Variants in CIPC observed in about 807,000 individuals in gnomAD.
CIPC encodes CLOCK-interacting pacemaker.
Under a neutral mutation model 26.7 loss-of-function variants are expected in CIPC, and 12 were observed. That is an observed-to-expected ratio of 0.45 (90% CI 0.29 to 0.73). The LOEUF is 0.73. Ranked by LOEUF, CIPC falls within the 30% of genes least tolerant of loss-of-function variation. The probability of loss-of-function intolerance (pLI) is 0.12; values close to 1 mark genes in which losing one functional copy is unlikely to be tolerated. For missense variants in CIPC, 417 were observed against 486.5 expected, an observed-to-expected ratio of 0.86 and a Z score of 1.34; for synonymous variants, 170 against 189.8, an observed-to-expected ratio of 0.90 and a Z score of 0.86.
intron 3 of CIPC, among the ~76,000 whole-genome samples, chr14:77,112,045 A>G (rs1459855158): frequency 6.6e-6 from 1 of 152,240 alleles, no homozygotes; most frequent in Admixed American, 6.5e-5. Context: ...TGCATGGGAA[A>G]TGAACTGGCC....
In CIPC at chr14:77,105,862, C is replaced by A; in HGVS notation, c.136+18C>A. Reference sequence around the variant, plus strand: ...CTTTTCAGGTTAAAAATATCTTATCCTTCCTCTGTTTTGTGAGTGAATGCT... The same window carrying A: ...CTTTTCAGGTTAAAAATATCTTATCATTCCTCTGTTTTGTGAGTGAATGCT... On this transcript the variant is annotated intron_variant, in intron 2 of 3. Transcript: ENST00000361786. 1 of 1,612,210 alleles carries A rather than the reference C, an allele frequency of 6.2e-7. No individual in the cohort carries two copies. Among genetic ancestry groups the A allele is most frequent in the Non-Finnish European group, 8.5e-7 (1 of 1,179,280 alleles).
Position 77,113,675 on chromosome 14 carries a change from A to G in CIPC, c.557A>G (p.Lys186Arg), listed in dbSNP as rs754577921. ...PEEKGTSGVQKKICTERLGPS... is the reference protein window; with the variant it reads ...PEEKGTSGVQRKICTERLGPS... ...GAAAAAGGAACAAGTGGAGTGCAGAAGAAAATCTGTACTGAGAGACTTGGG... is the reference window on the plus strand; with the variant it reads ...GAAAAAGGAACAAGTGGAGTGCAGAGGAAAATCTGTACTGAGAGACTTGGG... The change falls in exon 4 of 4, where the codon AAG becomes AGG. Residue 186 changes from lysine (K) to arginine (R), a missense_variant. By Grantham distance (26) the Lys-to-Arg change is conservative. Transcript: ENST00000361786. 1.2e-6 allele frequency: 2 copies of G among 1,613,578 alleles called. No individual in the cohort carries two copies. The highest frequency in any genetic ancestry group is 4.5e-5 in the East Asian group (2 of 44,888).
chr14:77,110,189 T>C (rs893478649), intron 3 of CIPC, among the ~76,000 whole-genome samples: 2 of 152,096 alleles, frequency 1.3e-5, no homozygotes, highest in South Asian at 2.1e-4. Flanking sequence ...AATCATGACA[T>C]GCGTTCTCAT....
chr14:77,112,614 G>A (rs1432997605), intron 3 of CIPC, among the ~76,000 whole-genome samples: 1 of 152,024 alleles, frequency 6.6e-6, no homozygotes, highest in Non-Finnish European at 1.5e-5. Context: ...TTATTATTTT[G>A]AATGGTTTTA....
At position 77,115,254 on chromosome 14, in the gene CIPC, T is replaced by TC. The variant is rs1886789156; in HGVS notation, c.*936_*937insC. On this transcript the variant is annotated 3_prime_UTR_variant, in exon 4 of 4. Coordinates refer to ENST00000361786, the MANE Select transcript of CIPC (RefSeq NM_033426.3). ...TGCTGCCATCTTGTTTTTTTTTTTT[T>TC]TCCTTTATTTTGATAAGTGATTATT... is the stretch of plus-strand genomic sequence containing the variant. The TC allele has an allele frequency of 2.0e-5, 3 of 150,768 alleles. No individual in the cohort carries two copies. The highest frequency in any genetic ancestry group is 4.4e-5 in the Non-Finnish European group (3 of 67,874). 9.3% of individuals were successfully genotyped at this position (150,768 alleles called of 1,614,324 possible).
intron 3 of CIPC, among the ~76,000 whole-genome samples, chr14:77,112,932 G>A (rs913079856): frequency 1.3e-5 from 2 of 151,934 alleles, no homozygotes; most frequent in African/African-American, 2.4e-5. Flanking sequence ...GGCTGGTCTC[G>A]AACTCCTGAC....
At chr14:77,104,133 A>C (rs1487071622) in intron 1 of CIPC, among the ~76,000 whole-genome samples, 1 of 152,182 alleles carries the variant, frequency 6.6e-6, no homozygotes. Context: ...TGCCAAGCCA[A>C]GCCAAGGCCC....
At chr14:77,110,067 C>A in intron 3 of CIPC, 86 bp downstream of exon 3, 1 of 1,355,824 alleles carries the variant, frequency 7.4e-7, no homozygotes, top group African/African-American at 1.5e-5. Flanking sequence ...ATATTCTCTG[C>A]CAAGGAGAGA....
At chr14:77,101,031 T>C (rs1458688160) in intron 1 of CIPC, among the ~76,000 whole-genome samples, 1 of 152,216 alleles carries the variant, frequency 6.6e-6, no homozygotes, top group Non-Finnish European at 1.5e-5. Context: ...CATGTGTTTG[T>C]AAAGCAGCGT....
Position 77,115,493 on chromosome 14 carries a change from A to G in CIPC, c.*1175A>G, listed in dbSNP as rs932610693. On this transcript the variant is annotated 3_prime_UTR_variant, in exon 4 of 4. Transcript: ENST00000361786. ...CCAGAGGTGTAATGTTGGTTATATGAAGTTCATCTCAAAATGGAGACCATG... is the reference window on the plus strand; with the variant it reads ...CCAGAGGTGTAATGTTGGTTATATGGAGTTCATCTCAAAATGGAGACCATG... The G allele has an allele frequency of 3.3e-5, 5 of 152,178 alleles. No homozygotes were observed. The highest frequency in any genetic ancestry group is 1.5e-5 in the Non-Finnish European group (1 of 68,024). 9.4% of individuals were successfully genotyped at this position (152,178 alleles called of 1,614,324 possible).
At chr14:77,099,632 CAT>C (rs1566803080) in intron 1 of CIPC, among the ~76,000 whole-genome samples, 1 of 152,210 alleles carries the variant, frequency 6.6e-6, no homozygotes, top group Non-Finnish European at 1.5e-5. Context: ...TCCAGGCACA[CAT>C]GTTATACACG....
intron 2 of CIPC, among the ~76,000 whole-genome samples, chr14:77,107,149 G>C (rs1886605840): frequency 6.6e-6 from 1 of 152,148 alleles, no homozygotes; most frequent in South Asian, 2.1e-4. Context: ...TATCACGTTT[G>C]CTTTTTGTTT....
chr14:77,108,049 G>A (rs758375869), intron 2 of CIPC, among the ~76,000 whole-genome samples: 86 of 151,966 alleles, frequency 5.7e-4, no homozygotes, highest in Admixed American at 1.1e-3. Flanking sequence ...TTGCTTTGTA[G>A]AATGTCTCAC....
At position 77,114,492 on chromosome 14, in the gene CIPC, G is replaced by A; in HGVS notation, c.*174G>A. 1.5e-6 allele frequency: 1 copy of A among 664,604 alleles called. No individual in the cohort carries two copies. The highest frequency in any genetic ancestry group is 2.5e-6 in the Non-Finnish European group (1 of 393,288). The allele number at this position is 664,604 out of a possible 1,614,324, so 41.2% of individuals were successfully genotyped here. ...GCTGCTGTCTTAACTCGTAGTCTGG[G>A]CACAGGATACATATGTCCCCGTCCC... is the stretch of plus-strand genomic sequence containing the variant. On this transcript the variant is annotated 3_prime_UTR_variant, in exon 4 of 4. Transcript: ENST00000361786.
intron 1 of CIPC, among the ~76,000 whole-genome samples, chr14:77,103,306 G>T (rs944692259): frequency 6.6e-6 from 1 of 152,140 alleles, no homozygotes; most frequent in African/African-American, 2.4e-5. Flanking sequence ...TGCTTCTAGG[G>T]TAGTTAATGT....
chr14:77,110,781 A>T (rs1428240624), intron 3 of CIPC, among the ~76,000 whole-genome samples: 1 of 152,258 alleles, frequency 6.6e-6, no homozygotes, highest in African/African-American at 2.4e-5. Context: ...ATCAGTTTTC[A>T]TATGGGTCCA....
intron 3 of CIPC, among the ~76,000 whole-genome samples, chr14:77,111,546 G>A (rs1886701492): frequency 6.6e-6 from 1 of 152,256 alleles, no homozygotes. Context: ...TTCCACCTCT[G>A]TCATTAGACA....
In CIPC at chr14:77,114,066, C is replaced by G. The variant is rs1458307436; in HGVS notation, c.948C>G (p.Arg316=). 6.2e-7 allele frequency: 1 copy of G among 1,614,080 alleles called. No homozygotes were observed. The highest frequency in any genetic ancestry group is 8.5e-7 in the Non-Finnish European group (1 of 1,180,058). The stretch of plus-strand genomic sequence containing the variant: ...AGCAGCGGCAGAGCAAACATAGGCG[C>G]TTTCAGAATACCCTAGTAGTCCTAC... ...FSEQRQSKHR[R]FQNTLVVLHK... The change falls in exon 4 of 4, where the codon CGC becomes CGG. Residue 316 remains arginine, a synonymous_variant. Transcript: ENST00000361786.
chr14:77,106,488 A>G (rs539772845), intron 2 of CIPC, among the ~76,000 whole-genome samples: 15 of 152,274 alleles, frequency 9.9e-5, no homozygotes, highest in East Asian at 3.9e-4. Context: ...GAATCATTCA[A>G]TTTTGTGCTG....
Sources: gnomAD v4.1 joint callset for allele counts (sites outside exome capture counted in the v4.1 genomes callset) on GRCh38, gnomAD v4.1.1 for gene constraint, MANE v1.5 for transcripts, NCBI Gene and HGNC (gene_info 2026-07-23, HGNC 2026-07-21) for gene names.